Variants in CACNA1E observed in about 807,000 individuals in gnomAD.
The protein encoded by CACNA1E is voltage-dependent R-type calcium channel subunit alpha-1E.
A neutral mutation model predicts 259.2 loss-of-function variants in CACNA1E; 40 were observed. The observed-to-expected ratio is 0.15, with a 90% CI of 0.12 to 0.20. CACNA1E has a LOEUF of 0.20. CACNA1E is among the 10% of genes least tolerant of loss of function. CACNA1E has a pLI of 1.00. For missense variants in CACNA1E, 1,874 were observed against 3,040.1 expected (o/e 0.62, Z 9.02); for synonymous variants, 1,104 against 1,138.5 (o/e 0.97, Z 0.61).
At chr1:181,333,053 G>A (rs1025376160) in intron 1 of CACNA1E, among the ~76,000 whole-genome samples, 1 of 152,128 alleles carries the variant, frequency 6.6e-6, no homozygotes, top group Non-Finnish European at 1.5e-5. Flanking sequence ...GTTTCCATCC[G>A]CTGTGTGCTA....
chr1:181,665,299 A>G (rs538808018), intron 7 of CACNA1E, among the ~76,000 whole-genome samples: 2 of 152,316 alleles, frequency 1.3e-5, no homozygotes, highest in East Asian at 1.9e-4. Context: ...TGCAATTCAT[A>G]TACTCCAGGA....
chr1:181,540,170 C>A (rs1304981346), intron 3 of CACNA1E, among the ~76,000 whole-genome samples: 1 of 152,156 alleles, frequency 6.6e-6, no homozygotes, highest in African/African-American at 2.4e-5. Flanking sequence ...TTTCCTAGAT[C>A]CCTTGTGGAA....
intron 3 of CACNA1E, among the ~76,000 whole-genome samples, chr1:181,532,083 A>C (rs1165804909): frequency 6.6e-6 from 1 of 151,878 alleles, no homozygotes; most frequent in Non-Finnish European, 1.5e-5. Context: ...AGAAAAGAAA[A>C]CTGGGTGACA....
chr1:181,482,894 G>A (rs1014513596), upstream of CACNA1E, among the ~76,000 whole-genome samples: 1 of 152,272 alleles, frequency 6.6e-6, no homozygotes, highest in Admixed American at 6.5e-5. Flanking sequence ...GGGAGGCGGC[G>A]GTGGCGAGCG....
intron 3 of CACNA1E, among the ~76,000 whole-genome samples, chr1:181,576,724 T>G (rs1651014732): frequency 6.6e-6 from 1 of 152,216 alleles, no homozygotes; most frequent in Non-Finnish European, 1.5e-5. Flanking sequence ...TTCCTTTCAT[T>G]CTTCACAGAA....
At chr1:181,779,375 G>A (rs1660223510) in intron 38 of CACNA1E, 3 of 358,392 alleles carry the variant, frequency 8.4e-6, no homozygotes, top group Admixed American at 8.1e-5. Flanking sequence ...CCTCTTCATG[G>A]CTAAGCTGTC....
rs1260478657 is a variant in CACNA1E at position 181,324,667 on chromosome 1, CT to C, written c.-15+6547del. Among the ~76,000 whole-genome samples, 7 of 152,198 alleles carry C rather than the reference CT, an allele frequency of 4.6e-5. No homozygotes were observed. The South Asian group carries it at 1.2e-3, about 27-fold the overall frequency. Reference sequence around the variant, plus strand: ...AAATTAGATGATGCCTAGGACAGGCCTTTGTGGAAGGAAGATCCTGTTCCTT... The same window carrying C: ...AAATTAGATGATGCCTAGGACAGGCCTTGTGGAAGGAAGATCCTGTTCCTT... On this transcript the variant is annotated intron_variant, in intron 1 of 11. Coordinates refer to the CACNA1E transcript ENST00000524607.
At chr1:181,599,934 A>G (rs1558170616) in intron 6 of CACNA1E, among the ~76,000 whole-genome samples, 1 of 152,224 alleles carries the variant, frequency 6.6e-6, no homozygotes, top group African/African-American at 2.4e-5. Flanking sequence ...AAATCAGTCC[A>G]CCTGGAATTC....
At chr1:181,561,961 T>C (rs1649372194) in intron 3 of CACNA1E, among the ~76,000 whole-genome samples, 1 of 152,312 alleles carries the variant, frequency 6.6e-6, no homozygotes, top group Non-Finnish European at 1.5e-5. Context: ...GTAATAACTA[T>C]TGTGGTTTTA....
intron 1 of CACNA1E, among the ~76,000 whole-genome samples, chr1:181,376,626 G>C (rs1411307743): frequency 6.6e-6 from 1 of 152,174 alleles, no homozygotes; most frequent in African/African-American, 2.4e-5. Flanking sequence ...GGCTCCCACT[G>C]TCTGTCTTGC....
intron 2 of CACNA1E, among the ~76,000 whole-genome samples, chr1:181,477,984 G>A (rs1180990803): frequency 6.6e-6 from 1 of 152,182 alleles, no homozygotes; most frequent in Non-Finnish European, 1.5e-5. Context: ...CCTATAACTT[G>A]ACTCTTAAGC....
At chr1:181,436,690 AC>A (rs1660108141) in intron 2 of CACNA1E, among the ~76,000 whole-genome samples, 1 of 152,214 alleles carries the variant, frequency 6.6e-6, no homozygotes, top group Admixed American at 6.5e-5. Flanking sequence ...AATGGTGGTT[AC>A]AGAGGCTGGG....
chr1:181,325,891 C>A (rs2609484), intron 1 of CACNA1E, among the ~76,000 whole-genome samples: 1 of 152,102 alleles, frequency 6.6e-6, no homozygotes, highest in South Asian at 2.1e-4. Context: ...CCTCCCAGGC[C>A]GCAGGGGACA....
intron 1 of CACNA1E, among the ~76,000 whole-genome samples, chr1:181,331,387 A>G (rs1651250547): frequency 6.6e-6 from 1 of 152,162 alleles, no homozygotes; most frequent in Non-Finnish European, 1.5e-5. Flanking sequence ...AGGCCTAAGA[A>G]CCTGGAAGGA....
intron 1 of CACNA1E, among the ~76,000 whole-genome samples, chr1:181,507,913 G>A (rs1665845263): frequency 6.6e-6 from 1 of 152,120 alleles, no homozygotes; most frequent in Non-Finnish European, 1.5e-5. Flanking sequence ...ACACTGTTGT[G>A]AACACTTTTG....
intron 1 of CACNA1E, among the ~76,000 whole-genome samples, chr1:181,392,259 A>C (rs112554820): frequency 0.022 from 3,336 of 152,204 alleles, 141 homozygotes; most frequent in African/African-American, 0.074. Flanking sequence ...CTCAAGACTT[A>C]CTAATTTCAC....
At position 181,660,899 on chromosome 1, in the gene CACNA1E, T is replaced by C. The variant is rs145311440; in HGVS notation, c.1055+9458T>C. ...ACTCACGCAAGAGTTACTAAGTACTTGTTGTATGTGACTCACTGCTAGGGG... is the reference window on the plus strand; with the variant it reads ...ACTCACGCAAGAGTTACTAAGTACTCGTTGTATGTGACTCACTGCTAGGGG... On this transcript the variant is annotated intron_variant, in intron 7 of 47. Transcript: ENST00000367573. Among the ~76,000 whole-genome samples, 85 of 152,350 alleles carry C rather than the reference T, an allele frequency of 5.6e-4. 1 individual carries two copies. In the East Asian group the frequency reaches 0.015, roughly 28 times the overall value.
intron 32 of CACNA1E, 121 bp from the exon 33 acceptor site, chr1:181,762,453 A>C (rs1211922049): frequency 1.5e-6 from 1 of 670,616 alleles, no homozygotes; most frequent in Admixed American, 2.5e-5. Flanking sequence ...GAGTGAACTT[A>C]TGCATTAATT....
intron 1 of CACNA1E, among the ~76,000 whole-genome samples, chr1:181,372,694 G>A (rs934267465): frequency 2.6e-5 from 4 of 151,954 alleles, no homozygotes; most frequent in Non-Finnish European, 5.9e-5. Context: ...TGGGGAATGC[G>A]TCCAGCTTTT....
Sources: allele counts gnomAD v4.1 joint callset (sites outside exome capture counted in the v4.1 genomes callset), GRCh38; gene constraint gnomAD v4.1.1; transcripts MANE v1.5; gene names NCBI Gene and HGNC (gene_info 2026-07-23, HGNC 2026-07-21).